Variants in PTGDR observed in about 807,000 individuals in gnomAD.
The protein encoded by PTGDR is PGD2 receptor.
Under a neutral mutation model 17.4 loss-of-function variants are expected in PTGDR, and 19 were observed. The observed-to-expected ratio is 1.09, with a 90% CI of 0.76 to 1.60. PTGDR has a LOEUF of 1.60. PTGDR is among the 40% of genes most tolerant of loss of function. PTGDR has a pLI of 0.00. For missense variants in PTGDR, 526 were observed against 481.9 expected (o/e 1.09, Z -0.86); for synonymous variants, 267 against 224.2 (o/e 1.19, Z -1.71).
intron 1 of PTGDR, among the ~76,000 whole-genome samples, chr14:52,274,255 G>T (rs41312498): frequency 0.012 from 1,783 of 152,248 alleles, 44 homozygotes; most frequent in African/African-American, 0.041. Flanking sequence ...CCATACATAT[G>T]ACATTTCACA....
Position 52,267,718 on chromosome 14 carries a change from G to C in PTGDR, c.-97G>C, listed in dbSNP as rs1331871891. 2 of 1,433,246 alleles carry C rather than the reference G, an allele frequency of 1.4e-6. No individual in the cohort carries two copies. The highest frequency in any genetic ancestry group is 1.8e-6 in the Non-Finnish European group (2 of 1,100,228). The allele number at this position is 1,433,246 out of a possible 1,614,324, so 88.8% of individuals were successfully genotyped here. ...TTTCTGTGGCGCAGCTTCTCCGCCCGAGCCGCGCGCGGAGCTGCCGGGGGC... is the reference window on the plus strand; with the variant it reads ...TTTCTGTGGCGCAGCTTCTCCGCCCCAGCCGCGCGCGGAGCTGCCGGGGGC... On this transcript the variant is annotated 5_prime_UTR_variant, in exon 1 of 2. Transcript: ENST00000306051.
intron 1 of PTGDR, among the ~76,000 whole-genome samples, chr14:52,273,417 A>G (rs1288157546): frequency 2.0e-5 from 3 of 152,228 alleles, no homozygotes; most frequent in Admixed American, 6.5e-5. Context: ...TGAAAATTCA[A>G]TCTAGTTAAG....
intron 1 of PTGDR, among the ~76,000 whole-genome samples, chr14:52,269,046 G>A (rs1455023676): frequency 2.0e-5 from 3 of 152,094 alleles, no homozygotes; most frequent in Admixed American, 2.0e-4. Flanking sequence ...ACTTCCCGAC[G>A]GCTGGGTGAT....
Position 52,268,422 on chromosome 14 carries a change from A to G in PTGDR, c.608A>G (p.Tyr203Cys). 1.9e-6 allele frequency: 3 copies of G among 1,610,342 alleles called. No homozygotes were observed. Among genetic ancestry groups the G allele is most frequent in the East Asian group, 2.2e-5 (1 of 44,868 alleles). The change falls in exon 1 of 2, where the codon TAC becomes TGC. Residue 203 changes from tyrosine to cysteine, a missense_variant. By Grantham distance (194) the Tyr-to-Cys change is radical. Transcript: ENST00000306051. ...TCGGTGCTGGGGTACTCTGTGCTCT[A>G]CTCCAGCCTCATGGCGCTGCTGGTC... ...SLSVLGYSVL[Y>C]SSLMALLVLA...
At chr14:52,274,195 T>C (rs941321585) in intron 1 of PTGDR, among the ~76,000 whole-genome samples, 13 of 152,232 alleles carry the variant, frequency 8.5e-5, no homozygotes, top group African/African-American at 2.4e-4. Context: ...TTCATTGTCA[T>C]ATTTCCAATC....
In PTGDR at chr14:52,275,000, G is replaced by A; in HGVS notation, c.*36G>A. Reference sequence around the variant, plus strand: ...CACTCTGTGGTAAGCTGAGGAATATGTCACATTTTCAGTCAAAGAACCATG... The same window carrying A: ...CACTCTGTGGTAAGCTGAGGAATATATCACATTTTCAGTCAAAGAACCATG... On this transcript the variant is annotated 3_prime_UTR_variant, in exon 2 of 2. Transcript: ENST00000306051. 7.2e-7 allele frequency: 1 copy of A among 1,388,104 alleles called. No homozygotes were observed. The highest frequency in any genetic ancestry group is 9.9e-7 in the Non-Finnish European group (1 of 1,005,816). 86.0% of individuals were successfully genotyped at this position (1,388,104 alleles called of 1,614,324 possible). A position where few individuals can be genotyped will look rare whatever the true frequency, so the allele number is the denominator to read the frequency against.
At chr14:52,280,165 T>G (rs1252159743), downstream of PTGDR, among the ~76,000 whole-genome samples, 1 of 152,202 alleles carries the variant, frequency 6.6e-6, no homozygotes, top group African/African-American at 2.4e-5. Context: ...TATAAACACC[T>G]GGGCAAACAA....
downstream of PTGDR, among the ~76,000 whole-genome samples, chr14:52,278,630 T>A (rs914780689): frequency 1.2e-4 from 18 of 151,838 alleles, no homozygotes; most frequent in African/African-American, 1.2e-4. Context: ...AATAAAGTTT[T>A]AAAAAAAAGA....
intron 1 of PTGDR, 57 bp downstream of exon 1, chr14:52,268,717 G>T (rs2033267837): frequency 6.7e-7 from 1 of 1,498,726 alleles, no homozygotes; most frequent in East Asian, 2.3e-5. Flanking sequence ...CGCGGATGCG[G>T]GGCGGGAAGG....
At chr14:52,277,825 C>T (rs1028827459), downstream of PTGDR, among the ~76,000 whole-genome samples, 4 of 151,000 alleles carry the variant, frequency 2.6e-5, no homozygotes. Flanking sequence ...CTCATGCATG[C>T]TAATATTTGA....
Position 52,276,532 on chromosome 14 carries a change from A to C in PTGDR, c.*1568A>C, listed in dbSNP as rs1277206178. ...ACAAGGAGTATGATTTAACAGTATG[A>C]CATGATGAAAAAAATACAGTTGTTT... On this transcript the variant is annotated 3_prime_UTR_variant, in exon 2 of 2. Transcript: ENST00000306051. 1 of 152,214 alleles carries C rather than the reference A, an allele frequency of 6.6e-6. No homozygotes were observed. The highest frequency in any genetic ancestry group is 1.5e-5 in the Non-Finnish European group (1 of 68,034). 9.4% of individuals were successfully genotyped at this position (152,214 alleles called of 1,614,324 possible). A position where few individuals can be genotyped will look rare whatever the true frequency, so the allele number is the denominator to read the frequency against.
intron 1 of PTGDR, among the ~76,000 whole-genome samples, chr14:52,269,833 A>T (rs189358816): frequency 6.6e-6 from 1 of 152,326 alleles, no homozygotes; most frequent in Admixed American, 6.5e-5. Flanking sequence ...CTAAATGTAG[A>T]TATAGGCGCA....
At chr14:52,274,571 C>T (rs35715652) in intron 1 of PTGDR, among the ~76,000 whole-genome samples, 160 bp from the exon 2 acceptor site, 1 of 152,176 alleles carries the variant, frequency 6.6e-6, no homozygotes. Flanking sequence ...TCCCCACTTG[C>T]ACCCATCAGC....
chr14:52,270,870 A>G (rs2033311391), intron 1 of PTGDR, among the ~76,000 whole-genome samples: 2 of 152,254 alleles, frequency 1.3e-5, no homozygotes, highest in African/African-American at 2.4e-5. Flanking sequence ...ACATGTCTCT[A>G]CGGAGACTTG....
Position 52,274,551 on chromosome 14 carries a change from C to A in PTGDR, c.847-180C>A, listed in dbSNP as rs78623538. On this transcript the variant is annotated intron_variant, in intron 1 of 1. Coordinates refer to ENST00000306051, the MANE Select transcript of PTGDR (RefSeq NM_000953.3). ...ACCTCCCAGGTCTGGCCACACCCCA[C>A]CTTCCCAGCTCCCCACTTGCACCCA... 3.9e-4 allele frequency among the ~76,000 whole-genome samples: 59 copies of A among 152,258 alleles called. No individual in the cohort carries two copies. The East Asian group carries it at 9.1e-3, about 23-fold the overall frequency.
downstream of PTGDR, among the ~76,000 whole-genome samples, chr14:52,278,403 T>C (rs56410131): frequency 0.094 from 14,317 of 151,714 alleles, 760 homozygotes; most frequent in South Asian, 0.18. Flanking sequence ...CACTCATAGG[T>C]GGGAATTGAA....
chr14:52,274,342 G>A (rs570795670), intron 1 of PTGDR, among the ~76,000 whole-genome samples: 1 of 152,332 alleles, frequency 6.6e-6, no homozygotes, highest in South Asian at 2.1e-4. Context: ...ACTGAAGAAA[G>A]TAAGTGCAAG....
chr14:52,268,489 C>G lies in PTGDR; in HGVS notation c.675C>G (p.Leu225=). 2 of 1,610,808 alleles carry G rather than the reference C, an allele frequency of 1.2e-6. No homozygotes were observed. The highest frequency in any genetic ancestry group is 1.7e-6 in the Non-Finnish European group (2 of 1,179,916). The change falls in exon 1 of 2, where the codon CTC becomes CTG. Residue 225 remains leucine (L), a synonymous_variant. Coordinates refer to ENST00000306051, the MANE Select transcript of PTGDR (RefSeq NM_000953.3). ...GCAACCTCGGCGCCATGCGCAACCT[C>G]TATGCGATGCACCGGCGGCTGCAGC... is the stretch of plus-strand genomic sequence containing the variant. The part of the protein sequence containing the change: ...VLCNLGAMRN[L]YAMHRRLQRH...
Position 52,267,746 on chromosome 14 carries a change from C to T in PTGDR, c.-69C>T, listed in dbSNP as rs1295730255. 116 of 1,481,146 alleles carry T rather than the reference C, an allele frequency of 7.8e-5. No individual in the cohort carries two copies. The highest frequency in any genetic ancestry group is 1.1e-4 in the South Asian group (8 of 71,014). 91.8% of individuals were successfully genotyped at this position (1,481,146 alleles called of 1,614,324 possible). A position where few individuals can be genotyped will look rare whatever the true frequency, so the allele number is the denominator to read the frequency against. ...CCGCGCGCGGAGCTGCCGGGGGCTC[C>T]TTAGCACCCGGGCGCCGGGGCCCTC... is the stretch of plus-strand genomic sequence containing the variant. On this transcript the variant is annotated 5_prime_UTR_variant, in exon 1 of 2. Transcript: ENST00000306051.
Sources: gnomAD v4.1 joint callset for allele counts (sites outside exome capture counted in the v4.1 genomes callset) on GRCh38, gnomAD v4.1.1 for gene constraint, MANE v1.5 for transcripts, NCBI Gene and HGNC (gene_info 2026-07-23, HGNC 2026-07-21) for gene names.